Variants in ESRRB observed in about 807,000 individuals in gnomAD.
ESRRB encodes steroid hormone receptor ERR2.
A neutral mutation model predicts 46.0 loss-of-function variants in ESRRB; 16 were observed. That is an observed-to-expected ratio of 0.35 (90% CI 0.24 to 0.53). The LOEUF is 0.53. Ranked by LOEUF, ESRRB falls within the 20% of genes least tolerant of loss-of-function variation. The pLI is 0.93. For synonymous variants in ESRRB, 246 were observed against 259.6 expected, an observed-to-expected ratio of 0.95 and a Z score of 0.50; for missense variants, 488 against 607.4, an observed-to-expected ratio of 0.80 and a Z score of 2.07.
At chr14:76,475,566 G>A (rs771642322) in intron 3 of ESRRB, among the ~76,000 whole-genome samples, 8 of 152,048 alleles carry the variant, frequency 5.3e-5, no homozygotes, top group Non-Finnish European at 1.2e-4. Context: ...ATCTATCCAC[G>A]GACACTTGGG....
Position 76,500,375 on chromosome 14 carries a change from C to T in ESRRB, c.*1917C>T. 1.7e-6 allele frequency: 1 copy of T among 584,660 alleles called. No individual in the cohort carries two copies. The highest frequency in any genetic ancestry group is 3.0e-6 in the Non-Finnish European group (1 of 329,082). The allele number at this position is 584,660 out of a possible 1,614,324, so 36.2% of individuals were successfully genotyped here. ...GTTACCCAGGATGCTGCGGCCCTAG[C>T]CCTCCATGCAGCCCATCTTCCCTCA... On this transcript the variant is annotated 3_prime_UTR_variant, in exon 7 of 7. Coordinates refer to ENST00000644823, the MANE Select transcript of ESRRB (RefSeq NM_001379180.1).
rs764094068 is a variant in ESRRB, at chr14:76,462,483, C to T, written c.461-62C>T. On this transcript the variant is annotated intron_variant, in intron 2 of 6. Transcript: ENST00000644823. ...TAAAATCCCCATCCAGCCAGCCCTG[C>T]GCTGGCAGGTGGGGGCCCTGGGCGG... 5.3e-4 allele frequency: 670 copies of T among 1,260,722 alleles called. 1 individual carries two copies. Among genetic ancestry groups the T allele is most frequent in the Non-Finnish European group, 6.6e-4 (568 of 867,094 alleles). The allele number at this position is 1,260,722 out of a possible 1,614,324, so 78.1% of individuals were successfully genotyped here.
intron 1 of ESRRB, among the ~76,000 whole-genome samples, chr14:76,438,677 A>G (rs1322511947): frequency 1.3e-5 from 2 of 152,002 alleles, no homozygotes; most frequent in East Asian, 3.9e-4. Flanking sequence ...AAAAAAAAAA[A>G]ACTTGTAGCC....
chr14:76,449,761 C>CTTTTTTTTT (rs79764142), intron 2 of ESRRB, among the ~76,000 whole-genome samples: 2 of 126,290 alleles, frequency 1.6e-5, no homozygotes, highest in Admixed American at 8.2e-5. Context: ...TTTTTCTTTC[C>CTTTTTTTTT]TTTTTTTTTT....
At chr14:76,355,098 G>A (rs1327815118) in intron 1 of ESRRB, among the ~76,000 whole-genome samples, 2 of 152,172 alleles carry the variant, frequency 1.3e-5, no homozygotes, top group Non-Finnish European at 2.9e-5. Context: ...CTGGAAAGAT[G>A]TCACCCTTTG....
At chr14:76,487,882 C>T (rs140280202) in intron 5 of ESRRB, among the ~76,000 whole-genome samples, 1 of 152,308 alleles carries the variant, frequency 6.6e-6, no homozygotes, top group East Asian at 1.9e-4. Flanking sequence ...GGATTACAGG[C>T]GTGAGCCACC....
At chr14:76,342,437 A>C (rs940039935) in intron 1 of ESRRB, among the ~76,000 whole-genome samples, 1 of 152,180 alleles carries the variant, frequency 6.6e-6, no homozygotes, top group Non-Finnish European at 1.5e-5. Context: ...CCACTCCAAG[A>C]CCAGGGAAAT....
chr14:76,492,464 G>A (rs1890269250), intron 6 of ESRRB, among the ~76,000 whole-genome samples: 1 of 152,216 alleles, frequency 6.6e-6, no homozygotes, highest in African/African-American at 2.4e-5. Flanking sequence ...ACCACGCTCA[G>A]CGTCAACTTA....
chr14:76,417,992 G>C (rs1045395264), intron 1 of ESRRB, among the ~76,000 whole-genome samples: 1 of 124,178 alleles, frequency 8.1e-6, no homozygotes, highest in Non-Finnish European at 1.6e-5. Context: ...GTCTGGCTCT[G>C]TCACCCAGGC....
chr14:76,435,959 T>A (rs760163414), intron 1 of ESRRB, among the ~76,000 whole-genome samples: 15 of 152,226 alleles, frequency 9.9e-5, no homozygotes, highest in Non-Finnish European at 1.8e-4. Context: ...ACCCTGATAG[T>A]TAATAACGGG....
chr14:76,391,749 G>T (rs1249336920), intron 1 of ESRRB, among the ~76,000 whole-genome samples: 1 of 152,190 alleles, frequency 6.6e-6, no homozygotes, highest in African/African-American at 2.4e-5. Flanking sequence ...TTGTGCTTTG[G>T]GGTGCACCAC....
At chr14:76,452,231 C>T (rs1888413456) in intron 2 of ESRRB, among the ~76,000 whole-genome samples, 1 of 152,016 alleles carries the variant, frequency 6.6e-6, no homozygotes, top group Non-Finnish European at 1.5e-5. Context: ...TGAGCCATTA[C>T]ATCCGGCCAC....
intron 1 of ESRRB, among the ~76,000 whole-genome samples, chr14:76,350,035 G>A (rs1353426791): frequency 6.6e-6 from 1 of 152,142 alleles, no homozygotes; most frequent in Non-Finnish European, 1.5e-5. Context: ...TATTCTTTTA[G>A]TGAGTGATAC....
intron 1 of ESRRB, among the ~76,000 whole-genome samples, chr14:76,315,436 A>G (rs536307194): frequency 6.6e-6 from 1 of 152,298 alleles, no homozygotes; most frequent in South Asian, 2.1e-4. Flanking sequence ...GCGCCTTCCA[A>G]GTCAGACAGC....
intron 6 of ESRRB, among the ~76,000 whole-genome samples, chr14:76,496,582 G>A (rs777644253): frequency 3.3e-5 from 5 of 152,148 alleles, no homozygotes; most frequent in African/African-American, 4.8e-5. Context: ...AGGGTTGTGC[G>A]GGAGTGACCT....
At chr14:76,470,240 G>A (rs376691712) in intron 3 of ESRRB, among the ~76,000 whole-genome samples, 6 of 152,272 alleles carry the variant, frequency 3.9e-5, no homozygotes, top group African/African-American at 1.2e-4. Flanking sequence ...ATGAGCTACT[G>A]CTCCAGGCCA....
At chr14:76,435,121 T>A (rs982432150) in intron 1 of ESRRB, among the ~76,000 whole-genome samples, 1 of 152,144 alleles carries the variant, frequency 6.6e-6, no homozygotes, top group Non-Finnish European at 1.5e-5. Flanking sequence ...AGCTGGGGCC[T>A]GATGGGCAGC....
Position 76,498,628 on chromosome 14 carries a change from TGGGGTGGGGGACGGGGATGGG to T in ESRRB, c.*175_*195del. On this transcript the variant is annotated 3_prime_UTR_variant, in exon 7 of 7. Transcript: ENST00000644823. The stretch of plus-strand genomic sequence containing the variant: ...GCTGTGTGCAGACTCCCGGGTGCAG[TGGGGTGGGGGACGGGGATGGG>T]GGGGCAGGGGTGTGGGGCTCGACTG... 1 of 503,484 alleles carries T rather than the reference TGGGGTGGGGGACGGGGATGGG, an allele frequency of 2.0e-6. No homozygotes were observed. Among genetic ancestry groups the T allele is most frequent in the Non-Finnish European group, 2.7e-6 (1 of 364,882 alleles). 31.2% of individuals were successfully genotyped at this position (503,484 alleles called of 1,614,324 possible).
chr14:76,315,894 G>C (rs538775997), intron 1 of ESRRB, among the ~76,000 whole-genome samples: 1 of 152,314 alleles, frequency 6.6e-6, no homozygotes, highest in South Asian at 2.1e-4. Context: ...TCACTCCTCA[G>C]TCAGAGGAAG....
Sources: gnomAD v4.1 joint callset for allele counts (sites outside exome capture counted in the v4.1 genomes callset) on GRCh38, gnomAD v4.1.1 for gene constraint, MANE v1.5 for transcripts, NCBI Gene and HGNC (gene_info 2026-07-23, HGNC 2026-07-21) for gene names.